Variants in CC2D2B observed in about 807,000 individuals in gnomAD.
CC2D2B encodes coiled-coil and C2 domain containing 2B, also known as protein CC2D2B.
A neutral mutation model predicts 161.2 loss-of-function variants in CC2D2B; 128 were observed. The ratio of observed to expected loss-of-function variants is 0.79; its 90% CI spans 0.69 to 0.92. The LOEUF is 0.92. Among genes scored for constraint, CC2D2B ranks in the 40% least tolerant of loss-of-function variants. The pLI is 0.00. For synonymous variants in CC2D2B, 391 were observed against 449.8 expected (o/e 0.87, Z 1.65); for missense variants, 1,173 against 1,375.1 (o/e 0.85, Z 2.32).
At chr10:96,025,184 TAAAA>T (rs1279667652) in intron 33 of CC2D2B, among the ~76,000 whole-genome samples, 508 of 20,590 alleles carry the variant, frequency 0.025, 7 homozygotes, top group Middle Eastern at 0.056. Context: ...TATATATATA[TAAAA>T]AAAAATATAT....
chr10:96,032,021 G>T lies in CC2D2B; in HGVS notation c.*13G>T, dbSNP rs2080086224. 4 of 1,603,292 alleles carry T rather than the reference G, an allele frequency of 2.5e-6. No homozygotes were observed. The highest frequency in any genetic ancestry group is 2.7e-5 in the African/African-American group (2 of 74,628). ...TCAACATCAATGAAAAGGAAGCAGA[G>T]CAAAGTAAAAGATTGTACTATAGTC... On this transcript the variant is annotated 3_prime_UTR_variant, in exon 35 of 35. Coordinates refer to ENST00000646931, the MANE Select transcript of CC2D2B (RefSeq NM_001349008.3).
chr10:96,025,184 T>TATATATATATATATA (rs2079683102), intron 33 of CC2D2B, among the ~76,000 whole-genome samples: 1 of 20,650 alleles, frequency 4.8e-5, no homozygotes, highest in African/African-American at 2.2e-4. Flanking sequence ...TATATATATA[T>TATATATATATATATA]AAAAAAAAAT....
chr10:95,940,975 G>A (rs2076001564), intron 9 of CC2D2B, among the ~76,000 whole-genome samples: 1 of 152,106 alleles, frequency 6.6e-6, no homozygotes, highest in Non-Finnish European at 1.5e-5. Flanking sequence ...AAACAGGATG[G>A]TACTGGCATA....
chr10:95,935,001 G>C (rs1302426119), intron 6 of CC2D2B, among the ~76,000 whole-genome samples: 9 of 152,136 alleles, frequency 5.9e-5, no homozygotes, highest in Admixed American at 5.9e-4. Context: ...CTCCCGAGTA[G>C]CTAGGATTAC....
chr10:95,921,987 A>C, intron 2 of CC2D2B, 29 bp from the exon 3 acceptor site: 1 of 1,351,056 alleles, frequency 7.4e-7, no homozygotes, highest in African/African-American at 1.5e-5. Context: ...AACAAGATGC[A>C]AGTTTAACCC....
chr10:95,918,897 G>C (rs1173295621), intron 2 of CC2D2B: 1 of 151,758 alleles, frequency 6.6e-6, no homozygotes. Context: ...TCTAATGTTG[G>C]GAGACTCTGA....
intron 3 of CC2D2B, among the ~76,000 whole-genome samples, chr10:95,923,525 T>A (rs2141172418): frequency 6.6e-6 from 1 of 152,364 alleles, no homozygotes; most frequent in East Asian, 1.9e-4. Context: ...TTCAGTTTAA[T>A]AAAATTCAAG....
At chr10:95,933,311 T>C (rs905297846) in intron 6 of CC2D2B, among the ~76,000 whole-genome samples, 1 of 152,148 alleles carries the variant, frequency 6.6e-6, no homozygotes, top group Non-Finnish European at 1.5e-5. Flanking sequence ...TTAGCTTCCT[T>C]GCATTAGGTT....
At chr10:95,954,408 C>T (rs1202791558) in intron 10 of CC2D2B, among the ~76,000 whole-genome samples, 2 of 152,050 alleles carry the variant, frequency 1.3e-5, no homozygotes, top group African/African-American at 4.8e-5. Flanking sequence ...TATCCTATAC[C>T]AGCTGCACAT....
At chr10:95,952,108 T>G (rs1000638771) in intron 10 of CC2D2B, among the ~76,000 whole-genome samples, 2 of 152,236 alleles carry the variant, frequency 1.3e-5, no homozygotes, top group Non-Finnish European at 2.9e-5. Context: ...ATTTAGTCCC[T>G]GGGTGTGAAA....
At chr10:95,982,176 G>A (rs2077552968) in intron 18 of CC2D2B, 63 bp downstream of exon 18, 9 of 1,067,762 alleles carry the variant, frequency 8.4e-6, no homozygotes, top group Non-Finnish European at 1.1e-5. Context: ...ACTTAGGAAA[G>A]TATAGTTTCC....
chr10:96,015,060 G>A (rs547053479), intron 29 of CC2D2B, among the ~76,000 whole-genome samples: 2 of 151,750 alleles, frequency 1.3e-5, no homozygotes, highest in South Asian at 2.1e-4. Context: ...GAACTGGAGA[G>A]TGCATGCCAC....
In CC2D2B at chr10:95,927,322, C is replaced by A; in HGVS notation, c.326C>A (p.Ser109Tyr). 6.5e-7 allele frequency: 1 copy of A among 1,547,230 alleles called. No individual in the cohort carries two copies. Among genetic ancestry groups the A allele is most frequent in the Non-Finnish European group, 8.8e-7 (1 of 1,142,856 alleles). Residue 109 changes from serine to tyrosine, a missense_variant, in exon 6 of 35, where the codon TCT (serine) becomes TAT (tyrosine). By Grantham distance (144) the Ser-to-Tyr change is moderately radical. Around this residue, in one of 3 missense-constraint regions of CC2D2B, gnomAD observed 298 missense variants for 261.2 expected, o/e 1.14. Transcript: ENST00000646931. ...SGEEGSALGK[S>Y]SEQRPVNRSY... The stretch of plus-strand genomic sequence containing the variant: ...GAAGAAGGTTCAGCTTTGGGCAAGT[C>A]TTCAGAGCAGGTTGGATTTGTTTGC...
chr10:95,963,040 C>T (rs898654911), intron 12 of CC2D2B, among the ~76,000 whole-genome samples: 11 of 152,050 alleles, frequency 7.2e-5, no homozygotes, highest in African/African-American at 2.7e-4. Flanking sequence ...CCACCTGAGG[C>T]CCTTTGTGTT....
intron 17 of CC2D2B, among the ~76,000 whole-genome samples, chr10:95,977,723 GTTAT>G (rs1436368935): frequency 6.6e-6 from 1 of 152,180 alleles, no homozygotes; most frequent in Non-Finnish European, 1.5e-5. Flanking sequence ...ATTTGAGGAT[GTTAT>G]TTATTTCCCT....
rs575943945 is a variant in CC2D2B, at chr10:96,007,660, G to A, written c.2947-2165G>A. On this transcript the variant is annotated intron_variant, in intron 25 of 34. Transcript: ENST00000646931. ...GCAAAAAGTTGGAAGGGCTCCTAAT[G>A]TCCAAAGCAGTGGTTATTAACTAAA... Among the ~76,000 whole-genome samples, 34 of 152,254 alleles carry A rather than the reference G, an allele frequency of 2.2e-4. 1 individual carries two copies. In the South Asian group the frequency reaches 7.1e-3, roughly 32 times the overall value.
At chr10:95,965,702 G>A (rs940734960) in intron 12 of CC2D2B, among the ~76,000 whole-genome samples, 194 bp from the exon 13 acceptor site, 10 of 151,890 alleles carry the variant, frequency 6.6e-5, no homozygotes, top group East Asian at 5.8e-4. Context: ...TCTGAAAGCC[G>A]AGAACAAGCT....
chr10:96,019,176 A>G (rs755045376), intron 30 of CC2D2B, 27 bp from the exon 31 acceptor site: 2 of 1,542,928 alleles, frequency 1.3e-6, no homozygotes, highest in Admixed American at 4.4e-5. Flanking sequence ...AAATCCACCA[A>G]AAATTACTTT....
intron 18 of CC2D2B, among the ~76,000 whole-genome samples, chr10:95,982,527 A>G (rs1404399163): frequency 6.6e-6 from 1 of 152,150 alleles, no homozygotes; most frequent in African/African-American, 2.4e-5. Flanking sequence ...GAACTGCTCT[A>G]TGTACCTCAC....
Sources: allele counts gnomAD v4.1 joint callset (sites outside exome capture counted in the v4.1 genomes callset), GRCh38; gene constraint gnomAD v4.1.1; regional missense constraint gnomAD v4.1.1; transcripts MANE v1.5; gene names NCBI Gene and HGNC (gene_info 2026-07-23, HGNC 2026-07-21).